The following XPO7 variants were observed in gnomAD, a reference collection of about 807,000 sequenced individuals.
XPO7 encodes the protein exportin-7.
A neutral mutation model predicts 144.3 loss-of-function variants in XPO7; 21 were observed. That is an observed-to-expected ratio of 0.15 (90% CI 0.10 to 0.21). The LOEUF is 0.21. Among genes scored for constraint, XPO7 ranks in the 10% least tolerant of loss-of-function variants. XPO7 has a pLI of 1.00. For missense variants in XPO7, 808 were observed against 1,325.8 expected (o/e 0.61, Z 6.06); for synonymous variants, 580 against 499.6 (o/e 1.16, Z -2.15).
chr8:21,980,728 TCATGC>T (rs1317525833), intron 9 of XPO7, among the ~76,000 whole-genome samples: 2 of 150,706 alleles, frequency 1.3e-5, no homozygotes, highest in African/African-American at 4.9e-5. Flanking sequence ...TGAGCCGAGA[TCATGC>T]CATTGCACTC....
intron 1 of XPO7, among the ~76,000 whole-genome samples, chr8:21,964,634 T>C (rs1318881685): frequency 6.6e-6 from 1 of 152,058 alleles, no homozygotes; most frequent in Non-Finnish European, 1.5e-5. Flanking sequence ...AATGGAGCTG[T>C]CGTTCTTCAA....
intron 19 of XPO7, among the ~76,000 whole-genome samples, chr8:21,993,281 A>G (rs1413621633): frequency 6.6e-6 from 1 of 152,230 alleles, no homozygotes; most frequent in East Asian, 1.9e-4. Flanking sequence ...GTAATGGACT[A>G]CAGCTGTCAC....
At chr8:21,958,091 C>T (rs1811599628) in intron 1 of XPO7, among the ~76,000 whole-genome samples, 1 of 152,156 alleles carries the variant, frequency 6.6e-6, no homozygotes, top group Non-Finnish European at 1.5e-5. Context: ...ATGGAAATTA[C>T]ATAGGCTAAC....
At chr8:21,970,369 AACAC>A (rs140784168) in intron 4 of XPO7, 59 bp downstream of exon 4, 456 of 1,133,964 alleles carry the variant, frequency 4.0e-4, no homozygotes, top group Middle Eastern at 6.9e-4. Flanking sequence ...CATATATATA[AACAC>A]ACACACACAC....
chr8:21,995,745 TG>T, intron 21 of XPO7, 146 bp downstream of exon 21: 1 of 591,084 alleles, frequency 1.7e-6, no homozygotes, highest in Non-Finnish European at 2.8e-6. Flanking sequence ...TTTTTGTTTG[TG>T]TGAAAGAATA....
intron 25 of XPO7, 129 bp downstream of exon 25, chr8:22,002,401 T>C: frequency 8.5e-7 from 1 of 1,172,770 alleles, no homozygotes. Context: ...ATGAAGTCCG[T>C]GTCTTAAAGT....
At chr8:21,927,018 G>C (rs775086574) in intron 1 of XPO7, among the ~76,000 whole-genome samples, 1 of 152,254 alleles carries the variant, frequency 6.6e-6, no homozygotes, top group South Asian at 2.1e-4. Context: ...CCAGAACTGA[G>C]CAACTTTCTT....
At chr8:21,939,413 G>A (rs1810921474) in intron 1 of XPO7, among the ~76,000 whole-genome samples, 1 of 151,962 alleles carries the variant, frequency 6.6e-6, no homozygotes, top group African/African-American at 2.4e-5. Flanking sequence ...AGAGACGGGA[G>A]TTTCTCCATG....
intron 12 of XPO7, among the ~76,000 whole-genome samples, 172 bp from the exon 13 acceptor site, chr8:21,985,414 A>C (rs1812547084): frequency 6.6e-6 from 1 of 152,244 alleles, no homozygotes; most frequent in Non-Finnish European, 1.5e-5. Context: ...TTACCTAACG[A>C]ATTTCCCTCT....
intron 1 of XPO7, among the ~76,000 whole-genome samples, chr8:21,948,557 T>G (rs1811267061): frequency 6.6e-6 from 1 of 152,222 alleles, no homozygotes. Flanking sequence ...ATGACTATAC[T>G]TTAAAGGAGT....
chr8:21,991,006 G>C, intron 18 of XPO7, 87 bp downstream of exon 18: 2 of 1,226,818 alleles, frequency 1.6e-6, no homozygotes, highest in Non-Finnish European at 2.4e-6. Context: ...ATGTTGGGGA[G>C]GCCTTTTCTG....
chr8:21,932,074 G>A (rs1190882355), intron 1 of XPO7, among the ~76,000 whole-genome samples: 6 of 151,822 alleles, frequency 4.0e-5, no homozygotes, highest in African/African-American at 9.7e-5. Context: ...GAGTTTCACC[G>A]TGTTGGCCAG....
Position 21,960,118 on chromosome 8 carries a change from A to G in XPO7, c.19-6739A>G, listed in dbSNP as rs1341368165. Among the ~76,000 whole-genome samples, 5 of 152,352 alleles carry G rather than the reference A, an allele frequency of 3.3e-5. No homozygotes were observed. In the East Asian group the frequency reaches 5.8e-4, roughly 18 times the overall value. The stretch of plus-strand genomic sequence containing the variant: ...ACAGAGGAGCCGTGGGGAACTGGAG[A>G]GAGCCTGCCCAGGAAAGCACTCCCT... On this transcript the variant is annotated intron_variant, in intron 1 of 27. Coordinates refer to ENST00000252512, the MANE Select transcript of XPO7 (RefSeq NM_015024.5).
intron 1 of XPO7, among the ~76,000 whole-genome samples, chr8:21,939,963 A>G (rs2047747796): frequency 6.6e-6 from 1 of 152,232 alleles, no homozygotes; most frequent in Non-Finnish European, 1.5e-5. Context: ...TCATGTTTTT[A>G]AGAACTACTG....
At chr8:21,925,407 C>T (rs1332384929) in intron 1 of XPO7, among the ~76,000 whole-genome samples, 2 of 152,170 alleles carry the variant, frequency 1.3e-5, no homozygotes, top group African/African-American at 2.4e-5. Context: ...TCATTTAATG[C>T]TCACCGCAGC....
intron 13 of XPO7, among the ~76,000 whole-genome samples, chr8:21,986,750 C>G (rs1812592556): frequency 6.6e-6 from 1 of 152,216 alleles, no homozygotes; most frequent in South Asian, 2.1e-4. Flanking sequence ...CTCATTCACT[C>G]ATGATGTGTC....
intron 18 of XPO7, among the ~76,000 whole-genome samples, chr8:21,991,496 C>T (rs945350107): frequency 2.0e-5 from 3 of 152,262 alleles, no homozygotes; most frequent in African/African-American, 4.8e-5. Context: ...ATGAAACCTC[C>T]GTACCCATTA....
At chr8:21,977,260 T>G (rs1812253712) in intron 7 of XPO7, among the ~76,000 whole-genome samples, 1 of 152,198 alleles carries the variant, frequency 6.6e-6, no homozygotes, top group Admixed American at 6.5e-5. Context: ...AATCTGTTTC[T>G]TAGAGAAGCT....
At chr8:21,959,752 G>T (rs1468469533) in intron 1 of XPO7, among the ~76,000 whole-genome samples, 2 of 152,060 alleles carry the variant, frequency 1.3e-5, no homozygotes, top group Admixed American at 1.3e-4. Flanking sequence ...ATAGTTTATT[G>T]CAGTCAAAGA....
Sources: gnomAD v4.1 joint callset for allele counts (sites outside exome capture counted in the v4.1 genomes callset) on GRCh38, gnomAD v4.1.1 for gene constraint, MANE v1.5 for transcripts, NCBI Gene and HGNC (gene_info 2026-07-23, HGNC 2026-07-21) for gene names.